EXOC6B: variants seen among roughly 807,000 people sequenced by gnomAD.
The protein encoded by EXOC6B is SEC15 homolog B.
EXOC6B carries 54 observed loss-of-function variants against 113.5 expected under a neutral mutation model. The ratio of observed to expected loss-of-function variants is 0.48; its 90% CI spans 0.38 to 0.60. EXOC6B has a LOEUF of 0.60. Among genes scored for constraint, EXOC6B ranks in the 20% least tolerant of loss-of-function variants. The pLI is 0.00. For synonymous variants in EXOC6B, 357 were observed against 339.0 expected, an observed-to-expected ratio of 1.05 and a Z score of -0.58; for missense variants, 797 against 977.5, an observed-to-expected ratio of 0.82 and a Z score of 2.46.
At chr2:72,362,245 T>C (rs1024614120) in intron 19 of EXOC6B, among the ~76,000 whole-genome samples, 38 of 152,178 alleles carry the variant, frequency 2.5e-4, no homozygotes, top group African/African-American at 9.2e-4. Flanking sequence ...TGGGAAATGA[T>C]GGATTACATT....
At chr2:72,587,459 G>A (rs1370450131) in intron 6 of EXOC6B, among the ~76,000 whole-genome samples, 2 of 152,148 alleles carry the variant, frequency 1.3e-5, no homozygotes, top group East Asian at 1.9e-4. Context: ...AAAATTAACT[G>A]TTGGATACTA....
chr2:72,799,108 C>A lies in EXOC6B; in HGVS notation c.113+26690G>T, dbSNP rs935493417. On this transcript the variant is annotated intron_variant, in intron 1 of 21. Coordinates refer to ENST00000272427, the MANE Select transcript of EXOC6B (RefSeq NM_015189.3). ...TACAAAAATTACCCGGGCATGGTAG[C>A]GCGCTCCTGTTGTCCCAGCTACTTG... Among the ~76,000 whole-genome samples the A allele has an allele frequency of 2.6e-5, 4 of 151,614 alleles. No homozygotes were observed. In the South Asian group the frequency reaches 8.3e-4, roughly 32 times the overall value.
chr2:72,638,954 C>T (rs1166182201), intron 6 of EXOC6B, among the ~76,000 whole-genome samples: 2 of 152,176 alleles, frequency 1.3e-5, no homozygotes, highest in African/African-American at 4.8e-5. Context: ...CCTTGCAGGG[C>T]AACCTCAGGT....
intron 6 of EXOC6B, among the ~76,000 whole-genome samples, chr2:72,611,208 CA>C (rs1671052230): frequency 6.6e-6 from 1 of 151,832 alleles, no homozygotes; most frequent in Non-Finnish European, 1.5e-5. Context: ...CTAAAAAATA[CA>C]AAAAATTAGC....
At chr2:72,546,322 G>T (rs1267853503) in intron 8 of EXOC6B, among the ~76,000 whole-genome samples, 1 of 152,154 alleles carries the variant, frequency 6.6e-6, no homozygotes, top group Non-Finnish European at 1.5e-5. Flanking sequence ...GGTGGCACGT[G>T]CCTGTAATTC....
At chr2:72,284,953 T>C (rs572704988) in intron 20 of EXOC6B, among the ~76,000 whole-genome samples, 19 of 152,174 alleles carry the variant, frequency 1.2e-4, no homozygotes, top group East Asian at 7.7e-4. Context: ...AGAAAAACTA[T>C]GAAACTCTGA....
intron 20 of EXOC6B, among the ~76,000 whole-genome samples, chr2:72,323,098 G>GGA (rs1687929147): frequency 1.3e-5 from 2 of 152,024 alleles, no homozygotes; most frequent in Non-Finnish European, 2.9e-5. Context: ...CCCTGACAAA[G>GGA]CACTAATATC....
intron 16 of EXOC6B, among the ~76,000 whole-genome samples, chr2:72,489,883 AAGAT>A (rs1253417398): frequency 1.3e-5 from 2 of 152,186 alleles, no homozygotes; most frequent in Non-Finnish European, 2.9e-5. Context: ...ATGAGGAAAA[AAGAT>A]AGAGCATATG....
Position 72,559,469 on chromosome 2 carries a change from T to G in EXOC6B, c.899A>C (p.His300Pro). 4 of 1,612,580 alleles carry G rather than the reference T, an allele frequency of 2.5e-6. No homozygotes were observed. The highest frequency in any genetic ancestry group is 3.4e-6 in the Non-Finnish European group (4 of 1,179,312). ...AAGACTCACCAGGACAGAATATATA[T>G]GTAGACATCGATAAACTGGAGAGAA... ...VDFSPVYRCLHIYSVLGARET... is the reference protein window; with the variant it reads ...VDFSPVYRCLPIYSVLGARET... Residue 300 changes from histidine (H) to proline (P), a missense_variant, in exon 8 of 22, where the codon CAT becomes CCT. Coordinates refer to ENST00000272427, the MANE Select transcript of EXOC6B (RefSeq NM_015189.3).
At chr2:72,417,371 T>C (rs1365779687) in intron 18 of EXOC6B, among the ~76,000 whole-genome samples, 2 of 152,212 alleles carry the variant, frequency 1.3e-5, no homozygotes, top group Non-Finnish European at 2.9e-5. Flanking sequence ...TTGGCCAGGC[T>C]GGTCTCAAAC....
chr2:72,730,753 T>A (rs551513839), intron 5 of EXOC6B, among the ~76,000 whole-genome samples: 1 of 152,136 alleles, frequency 6.6e-6, no homozygotes. Flanking sequence ...AATAGGTATA[T>A]GCTTTTCCCT....
At chr2:72,466,368 A>AAAGAG (rs1698059966) in intron 17 of EXOC6B, among the ~76,000 whole-genome samples, 1 of 151,634 alleles carries the variant, frequency 6.6e-6, no homozygotes, top group Non-Finnish European at 1.5e-5. Context: ...AAAGAAAAGA[A>AAAGAG]AAGAAAAGAA....
chr2:72,515,435 C>G (rs1004810582), intron 8 of EXOC6B: 1 of 1,149,148 alleles, frequency 8.7e-7, no homozygotes, highest in East Asian at 5.4e-5. Context: ...GGGAAACCAA[C>G]CTTTCCATAA....
intron 1 of EXOC6B, among the ~76,000 whole-genome samples, chr2:72,767,646 CA>C (rs1192380043): frequency 6.7e-6 from 1 of 149,614 alleles, no homozygotes; most frequent in Non-Finnish European, 1.5e-5. Flanking sequence ...CCCATCTCTA[CA>C]AAAAATACCA....
chr2:72,264,464 G>A lies in EXOC6B; in HGVS notation c.2196+70483C>T, dbSNP rs1421124496. Among the ~76,000 whole-genome samples, 20 of 152,206 alleles carry A rather than the reference G, an allele frequency of 1.3e-4. No homozygotes were observed. In the East Asian group the frequency reaches 2.7e-3, roughly 21 times the overall value. Reference sequence around the variant, plus strand: ...CAGGTGCCTATAATCCCAGCTACTCGGGAGACTGAGGCAGGAGAATTGTTT... The same window carrying A: ...CAGGTGCCTATAATCCCAGCTACTCAGGAGACTGAGGCAGGAGAATTGTTT... On this transcript the variant is annotated intron_variant, in intron 20 of 21. Coordinates refer to ENST00000272427, the MANE Select transcript of EXOC6B (RefSeq NM_015189.3).
intron 20 of EXOC6B, among the ~76,000 whole-genome samples, chr2:72,203,110 T>C (rs2104345467): frequency 6.6e-6 from 1 of 152,344 alleles, no homozygotes; most frequent in Non-Finnish European, 1.5e-5. Flanking sequence ...CTGGCGATGA[T>C]GATGATAATG....
At chr2:72,219,037 G>A (rs1680707280) in intron 20 of EXOC6B, among the ~76,000 whole-genome samples, 1 of 151,900 alleles carries the variant, frequency 6.6e-6, no homozygotes, top group African/African-American at 2.4e-5. Flanking sequence ...TAACTTAATT[G>A]TACCTGTGGT....
intron 13 of EXOC6B, among the ~76,000 whole-genome samples, chr2:72,497,608 A>G (rs1049181381): frequency 6.6e-6 from 1 of 152,184 alleles, no homozygotes; most frequent in South Asian, 2.1e-4. Context: ...TCTAGGTTTT[A>G]GAAATATAAA....
At chr2:72,622,451 C>A (rs1156718758) in intron 6 of EXOC6B, among the ~76,000 whole-genome samples, 1 of 152,142 alleles carries the variant, frequency 6.6e-6, no homozygotes, top group African/African-American at 2.4e-5. Context: ...CGGTGGCTCA[C>A]GACTATAATC....
Sources: allele counts gnomAD v4.1 joint callset (sites outside exome capture counted in the v4.1 genomes callset), GRCh38; gene constraint gnomAD v4.1.1; transcripts MANE v1.5; gene names NCBI Gene and HGNC (gene_info 2026-07-23, HGNC 2026-07-21).